RPS6KA5: variants seen among roughly 807,000 people sequenced by gnomAD.
RPS6KA5 encodes the protein ribosomal protein S6 kinase A5, also known as ribosomal protein S6 kinase alpha-5.
RPS6KA5 carries 27 observed loss-of-function variants against 85.5 expected under a neutral mutation model. The observed-to-expected ratio is 0.32, with a 90% CI of 0.23 to 0.44. RPS6KA5 has a LOEUF of 0.44. Ranked by LOEUF, RPS6KA5 falls within the 20% of genes least tolerant of loss-of-function variation. The pLI is 1.00. For synonymous variants in RPS6KA5, 334 were observed against 348.2 expected, an observed-to-expected ratio of 0.96 and a Z score of 0.46; for missense variants, 811 against 980.9, an observed-to-expected ratio of 0.83 and a Z score of 2.31.
intron 12 of RPS6KA5, 78 bp from the exon 13 acceptor site, chr14:90,894,661 A>G (rs961684787): frequency 1.8e-5 from 27 of 1,463,382 alleles, no homozygotes; most frequent in Non-Finnish European, 2.4e-5. Context: ...TTTATTGACT[A>G]TCTACCACCA....
chr14:90,909,259 TCTC>T (rs1344130804), intron 7 of RPS6KA5, among the ~76,000 whole-genome samples: 4 of 152,164 alleles, frequency 2.6e-5, no homozygotes, highest in South Asian at 2.1e-4. Context: ...TGCTGTCACT[TCTC>T]CTCCTCCAAT....
intron 1 of RPS6KA5, among the ~76,000 whole-genome samples, chr14:91,044,293 GAAAGAGAGAGAAAGAGAGAGAGAGAA>G (rs2042727432): frequency 1.5e-5 from 1 of 65,752 alleles, no homozygotes; most frequent in African/African-American, 6.1e-5. Context: ...GAGAGAGAGA[GAAAGAGAGAGAAAGAGAGAGAGAGAA>G]AGAGAGAGAG....
At chr14:90,902,352 G>C (rs939386566) in intron 9 of RPS6KA5, among the ~76,000 whole-genome samples, 1 of 152,014 alleles carries the variant, frequency 6.6e-6, no homozygotes, top group African/African-American at 2.4e-5. Flanking sequence ...GGGTGTGCTG[G>C]TTTGCACCTG....
intron 5 of RPS6KA5, among the ~76,000 whole-genome samples, chr14:90,927,528 A>G (rs920346522): frequency 1.3e-5 from 2 of 152,182 alleles, no homozygotes; most frequent in African/African-American, 4.8e-5. Flanking sequence ...ATCAGACAGC[A>G]CTAACCAACA....
At chr14:90,899,524 T>C (rs2035040070) in intron 11 of RPS6KA5, 102 bp from the exon 12 acceptor site, 1 of 750,300 alleles carries the variant, frequency 1.3e-6, no homozygotes, top group East Asian at 2.5e-5. Context: ...GCATTCAGAA[T>C]ATACATGTTA....
intron 7 of RPS6KA5, among the ~76,000 whole-genome samples, chr14:90,916,599 G>A (rs1407698475): frequency 6.6e-6 from 1 of 151,912 alleles, no homozygotes; most frequent in African/African-American, 2.4e-5. Context: ...TTTATGCCAG[G>A]AAAGATACTC....
At chr14:91,019,969 T>A (rs1276173945) in intron 1 of RPS6KA5, among the ~76,000 whole-genome samples, 1 of 152,234 alleles carries the variant, frequency 6.6e-6, no homozygotes, top group Non-Finnish European at 1.5e-5. Flanking sequence ...CTAGATGATC[T>A]AGCCTATTGC....
In RPS6KA5 at chr14:91,053,292, C is replaced by G. The variant is rs117524147; in HGVS notation, c.103+7040G>C. On this transcript the variant is annotated intron_variant, in intron 1 of 16. Coordinates refer to ENST00000614987, the MANE Select transcript of RPS6KA5 (RefSeq NM_004755.4). The stretch of plus-strand genomic sequence containing the variant: ...AAGACTAAAGCTTTCACCCTAGGAT[C>G]AGGAATAAGACAAGGATGTCTGCTC... Among the ~76,000 whole-genome samples the G allele has an allele frequency of 4.8e-4, 73 of 152,212 alleles. No homozygotes were observed. In the East Asian group the frequency reaches 0.013, roughly 27 times the overall value.
intron 7 of RPS6KA5, among the ~76,000 whole-genome samples, chr14:90,912,697 G>C (rs1349615438): frequency 6.6e-6 from 1 of 151,868 alleles, no homozygotes; most frequent in Non-Finnish European, 1.5e-5. Flanking sequence ...GTTCTTCCTT[G>C]ATCCACTTAA....
rs183778440 is a variant in RPS6KA5, at chr14:90,903,175, A to C, written c.958-206T>G. Among the ~76,000 whole-genome samples the C allele has an allele frequency of 3.3e-5, 5 of 152,266 alleles. No homozygotes were observed. The East Asian group carries it at 9.6e-4, about 29-fold the overall frequency. ...CAACCAATGCTGTGCCTCAAAGATG[A>C]GACTATCGCTGTTGAATCTCAGAGT... On this transcript the variant is annotated intron_variant, in intron 8 of 16. Transcript: ENST00000614987.
chr14:90,922,741 A>C (rs889424584), intron 6 of RPS6KA5, among the ~76,000 whole-genome samples: 2 of 152,142 alleles, frequency 1.3e-5, no homozygotes, highest in African/African-American at 4.8e-5. Flanking sequence ...TTAATTTTTT[A>C]AAAGAATGGA....
Position 90,944,522 on chromosome 14 carries a change from G to A in RPS6KA5, c.511-1337C>T, listed in dbSNP as rs184230699. On this transcript the variant is annotated intron_variant, in intron 4 of 16. Coordinates refer to ENST00000614987, the MANE Select transcript of RPS6KA5 (RefSeq NM_004755.4). Reference sequence around the variant, plus strand: ...CGTAATCCCAACATTTTGGGAGGCCGAGGTGGGCAGATCACCTGAGGTCAA... The same window carrying A: ...CGTAATCCCAACATTTTGGGAGGCCAAGGTGGGCAGATCACCTGAGGTCAA... 1.6e-4 allele frequency among the ~76,000 whole-genome samples: 25 copies of A among 152,246 alleles called. No homozygotes were observed. In the East Asian group the frequency reaches 3.5e-3, roughly 21 times the overall value.
chr14:91,016,334 C>A (rs1286141), intron 1 of RPS6KA5, among the ~76,000 whole-genome samples: 2,600 of 152,136 alleles, frequency 0.017, 84 homozygotes, highest in African/African-American at 0.059. Context: ...CCTCAGCCTC[C>A]CAAGTGGTCA....
At chr14:90,995,078 T>C (rs2040463689) in intron 2 of RPS6KA5, among the ~76,000 whole-genome samples, 1 of 151,926 alleles carries the variant, frequency 6.6e-6, no homozygotes, top group African/African-American at 2.4e-5. Context: ...TAAGACGGAG[T>C]CTTGCTCTGT....
intron 1 of RPS6KA5, among the ~76,000 whole-genome samples, chr14:91,021,233 T>C (rs551374857): frequency 3.2e-4 from 49 of 152,324 alleles, no homozygotes; most frequent in African/African-American, 1.2e-3. Context: ...CTTCCACTTC[T>C]TCCAAGTTTA....
chr14:90,900,289 A>C (rs545524863), intron 10 of RPS6KA5, 48 bp from the exon 11 acceptor site: 1 of 1,371,804 alleles, frequency 7.3e-7, no homozygotes, highest in Non-Finnish European at 9.8e-7. Context: ...TCAGTAATAC[A>C]CAAAGGATCA....
chr14:91,056,020 C>T (rs1285989), intron 1 of RPS6KA5, among the ~76,000 whole-genome samples: 82,097 of 151,864 alleles, frequency 0.54, 22,311 homozygotes, highest in Non-Finnish European at 0.56. Context: ...CATGAGGGTC[C>T]CTGAGTTAGA....
intron 3 of RPS6KA5, among the ~76,000 whole-genome samples, chr14:90,952,017 T>C (rs575479948): frequency 6.6e-6 from 1 of 152,320 alleles, no homozygotes; most frequent in South Asian, 2.1e-4. Flanking sequence ...GGCATTATGA[T>C]AATTCTTCTC....
chr14:90,983,163 G>C (rs1449700316), intron 2 of RPS6KA5, among the ~76,000 whole-genome samples: 1 of 150,982 alleles, frequency 6.6e-6, no homozygotes, highest in African/African-American at 2.4e-5. Context: ...TGGAATCCCA[G>C]CTACACAGGA....
Sources: allele counts gnomAD v4.1 joint callset (sites outside exome capture counted in the v4.1 genomes callset), GRCh38; gene constraint gnomAD v4.1.1; transcripts MANE v1.5; gene names NCBI Gene and HGNC (gene_info 2026-07-23, HGNC 2026-07-21).